Variants in DPP10 observed in about 807,000 individuals in gnomAD.
The protein encoded by DPP10 is dipeptidyl peptidase like 10, also known as inactive dipeptidyl peptidase 10.
In DPP10, 33 loss-of-function variants were observed where a neutral mutation model predicts 120.9. The ratio of observed to expected loss-of-function variants is 0.27; its 90% CI spans 0.21 to 0.37. The LOEUF is 0.37. Ranked by LOEUF, DPP10 falls within the 10% of genes least tolerant of loss-of-function variation. DPP10 has a pLI of 1.00. For missense variants in DPP10, 816 were observed against 942.8 expected (o/e 0.87, Z 1.76); for synonymous variants, 337 against 326.1 (o/e 1.03, Z -0.36).
intron 24 of DPP10, among the ~76,000 whole-genome samples, chr2:115,839,826 A>T (rs1689906526): frequency 6.6e-6 from 1 of 152,110 alleles, no homozygotes; most frequent in Admixed American, 6.5e-5. Context: ...TACCAAACCC[A>T]TGGCTATTGG....
chr2:115,016,279 T>C (rs952915480), intron 1 of DPP10, among the ~76,000 whole-genome samples: 1 of 152,060 alleles, frequency 6.6e-6, no homozygotes, highest in African/African-American at 2.4e-5. Context: ...TAATAAATGG[T>C]TTTTGGAAAA....
intron 13 of DPP10, among the ~76,000 whole-genome samples, chr2:115,776,160 G>A (rs1283005254): frequency 6.6e-6 from 1 of 152,042 alleles, no homozygotes; most frequent in African/African-American, 2.4e-5. Context: ...TTTAGCTGTT[G>A]TTGTTTTATA....
At chr2:114,877,061 G>T (rs1220539781) in intron 1 of DPP10, among the ~76,000 whole-genome samples, 3 of 152,006 alleles carry the variant, frequency 2.0e-5, no homozygotes, top group Non-Finnish European at 1.5e-5. Context: ...AGCTTTAAAT[G>T]CAAATATATG....
chr2:115,144,834 A>G (rs1396267618), intron 1 of DPP10: 1 of 151,978 alleles, frequency 6.6e-6, no homozygotes, highest in Non-Finnish European at 1.5e-5. Context: ...AATAAAATAA[A>G]ATAAAATAAA....
chr2:114,920,632 T>C (rs144485239), intron 1 of DPP10, among the ~76,000 whole-genome samples: 1 of 151,890 alleles, frequency 6.6e-6, no homozygotes, highest in East Asian at 1.9e-4. Flanking sequence ...CACATTGTAA[T>C]TTTTTTTTCT....
chr2:115,182,940 A>C lies in DPP10; in HGVS notation c.61-126299A>C, dbSNP rs559543880. Among the ~76,000 whole-genome samples the C allele has an allele frequency of 8.7e-4, 132 of 152,254 alleles. 3 individuals carry two copies. The South Asian group carries it at 0.024, about 28-fold the overall frequency. On this transcript the variant is annotated intron_variant, in intron 1 of 25. Transcript: ENST00000410059. ...TTAGCTCCACTACCTGAGAAGGACGATGTGGCATACACCCACCCCATGGAC... is the reference window on the plus strand; with the variant it reads ...TTAGCTCCACTACCTGAGAAGGACGCTGTGGCATACACCCACCCCATGGAC...
chr2:115,777,979 G>A, intron 15 of DPP10, 145 bp downstream of exon 15: 1 of 690,224 alleles, frequency 1.4e-6, no homozygotes, highest in Non-Finnish European at 2.4e-6. Flanking sequence ...TCACACTCTT[G>A]CACCAGTCTC....
intron 1 of DPP10, among the ~76,000 whole-genome samples, chr2:114,838,996 T>C (rs928817801): frequency 6.6e-6 from 1 of 152,218 alleles, no homozygotes; most frequent in Admixed American, 6.5e-5. Flanking sequence ...TATCATATCC[T>C]CTGTTTTTTA....
In DPP10 at chr2:114,544,846, G is replaced by A. The variant is rs114271433; in HGVS notation, c.60+102008G>A. On this transcript the variant is annotated intron_variant, in intron 1 of 25. Coordinates refer to ENST00000410059, the MANE Select transcript of DPP10 (RefSeq NM_020868.6). The stretch of plus-strand genomic sequence containing the variant: ...TGTAAATGTAGTTCATTATGTTTAT[G>A]TCAATATATTAAATTTTTTTTTTTG... Among the ~76,000 whole-genome samples the A allele has an allele frequency of 9.8e-3, 1,485 of 151,706 alleles. 28 individuals carry two copies. Among genetic ancestry groups the A allele is most frequent in the African/African-American group, 0.034 (1,403 of 41,230 alleles).
At chr2:115,528,637 A>G (rs2078276503) in intron 5 of DPP10, among the ~76,000 whole-genome samples, 1 of 152,108 alleles carries the variant, frequency 6.6e-6, no homozygotes, top group African/African-American at 2.4e-5. Context: ...ATGAATGGCT[A>G]GATAAACTGT....
At chr2:115,432,658 T>TG (rs2071103590) in intron 3 of DPP10, among the ~76,000 whole-genome samples, 26 of 113,674 alleles carry the variant, frequency 2.3e-4, no homozygotes, top group Admixed American at 2.1e-3. Flanking sequence ...CATAGGCAAT[T>TG]TTGTGTGTGT....
chr2:115,400,551 T>C (rs2067998018), intron 3 of DPP10, among the ~76,000 whole-genome samples: 1 of 151,952 alleles, frequency 6.6e-6, no homozygotes, highest in South Asian at 2.1e-4. Context: ...AAGTTGTAGG[T>C]TGAGAGACTG....
At position 114,712,217 on chromosome 2, in the gene DPP10, G is replaced by T. The variant is rs149228307; in HGVS notation, c.60+269379G>T. 8.5e-3 allele frequency among the ~76,000 whole-genome samples: 1,287 copies of T among 152,270 alleles called. 20 individuals carry two copies. The highest frequency in any genetic ancestry group is 0.03 in the African/African-American group (1,228 of 41,536). ...TGCCTGTAATCCCAGCTACTCGGGAGGCCAAGGCATGAGAATTGCTTGAAC... is the reference window on the plus strand; with the variant it reads ...TGCCTGTAATCCCAGCTACTCGGGATGCCAAGGCATGAGAATTGCTTGAAC... On this transcript the variant is annotated intron_variant, in intron 1 of 25. Coordinates refer to ENST00000410059, the MANE Select transcript of DPP10 (RefSeq NM_020868.6).
chr2:114,544,631 G>A (rs1687223921), intron 1 of DPP10, among the ~76,000 whole-genome samples: 1 of 151,964 alleles, frequency 6.6e-6, no homozygotes, highest in African/African-American at 2.4e-5. Context: ...ACTCAAATTT[G>A]TTTAGCAAGG....
At chr2:114,755,570 G>GCGCCC in intron 1 of DPP10, among the ~76,000 whole-genome samples, 1 of 152,220 alleles carries the variant, frequency 6.6e-6, no homozygotes, top group East Asian at 1.9e-4. Flanking sequence ...TAAGTGCAAT[G>GCGCCC]AAGAAAGCAA....
chr2:114,764,233 A>T (rs774172179), intron 1 of DPP10, among the ~76,000 whole-genome samples: 5 of 150,674 alleles, frequency 3.3e-5, no homozygotes, highest in Non-Finnish European at 7.4e-5. Flanking sequence ...GCAGTGCTTG[A>T]CATAGCTCAC....
intron 1 of DPP10, among the ~76,000 whole-genome samples, chr2:114,562,905 G>A (rs1688881469): frequency 6.6e-6 from 1 of 152,074 alleles, no homozygotes; most frequent in Non-Finnish European, 1.5e-5. Flanking sequence ...TTATTTTCCT[G>A]CTATATTTTT....
At chr2:115,304,436 T>A (rs889441658) in intron 1 of DPP10, among the ~76,000 whole-genome samples, 1 of 152,044 alleles carries the variant, frequency 6.6e-6, no homozygotes, top group African/African-American at 2.4e-5. Flanking sequence ...AATACAGATA[T>A]TTTTAAGAAC....
At chr2:114,953,197 C>A (rs555123372) in intron 1 of DPP10, among the ~76,000 whole-genome samples, 4 of 152,106 alleles carry the variant, frequency 2.6e-5, no homozygotes, top group Non-Finnish European at 4.4e-5. Context: ...AACTGAAGGG[C>A]ATCTTTATAA....
Sources: allele counts gnomAD v4.1 joint callset (sites outside exome capture counted in the v4.1 genomes callset), GRCh38; gene constraint gnomAD v4.1.1; transcripts MANE v1.5; gene names NCBI Gene and HGNC (gene_info 2026-07-23, HGNC 2026-07-21).